The following EVL variants were observed in gnomAD, a reference collection of about 807,000 sequenced individuals.
EVL encodes the protein ena/VASP-like protein.
Under a neutral mutation model 59.6 loss-of-function variants are expected in EVL, and 21 were observed. The observed-to-expected ratio is 0.35, with a 90% CI of 0.25 to 0.51. The LOEUF (loss-of-function observed/expected upper bound fraction) is 0.51. Among genes scored for constraint, EVL ranks in the 20% least tolerant of loss-of-function variants. The pLI is 0.97. For missense variants in EVL, 462 were observed against 546.6 expected, an observed-to-expected ratio of 0.85 and a Z score of 1.54; for synonymous variants, 198 against 203.5, an observed-to-expected ratio of 0.97 and a Z score of 0.23.
chr14:100,101,329 T>C (rs1273582068), intron 3 of EVL, among the ~76,000 whole-genome samples: 1 of 152,084 alleles, frequency 6.6e-6, no homozygotes, highest in Non-Finnish European at 1.5e-5. Context: ...CTACTAAAAA[T>C]ATAAAATTAG....
intron 1 of EVL, among the ~76,000 whole-genome samples, chr14:100,034,264 A>G (rs2061356472): frequency 6.6e-6 from 1 of 151,780 alleles, no homozygotes; most frequent in Admixed American, 6.6e-5. Context: ...AAAGAAAAGA[A>G]AAATTATAAT....
chr14:100,123,833 CAG>C (rs1219714852), intron 4 of EVL, among the ~76,000 whole-genome samples: 2 of 152,216 alleles, frequency 1.3e-5, no homozygotes, highest in African/African-American at 4.8e-5. Flanking sequence ...TGGCATTCTA[CAG>C]AGAGTGCTGC....
At chr14:100,138,201 G>A (rs1397554223) in intron 11 of EVL, 3 of 280,960 alleles carry the variant, frequency 1.1e-5, no homozygotes, top group Non-Finnish European at 2.0e-5. Context: ...AGCAACAGCT[G>A]GACATGGGGT....
At chr14:100,100,377 C>CA (rs2140325119) in intron 3 of EVL, among the ~76,000 whole-genome samples, 1 of 152,276 alleles carries the variant, frequency 6.6e-6, no homozygotes, top group East Asian at 1.9e-4. Flanking sequence ...GCAGGTCCTG[C>CA]AGCCCACTGA....
At chr14:100,069,558 C>T (rs959803839) in intron 1 of EVL, among the ~76,000 whole-genome samples, 3 of 152,152 alleles carry the variant, frequency 2.0e-5, no homozygotes, top group African/African-American at 2.4e-5. Flanking sequence ...TCACGTAGTC[C>T]GTTCACTCTC....
At position 99,972,718 on chromosome 14, in the gene EVL, C is replaced by G. The variant is rs1038394463; in HGVS notation, c.5+661C>G. On this transcript the variant is annotated intron_variant, in intron 1 of 13. Coordinates refer to the EVL transcript ENST00000402714. The surrounding 1 kb of genome is among the most constrained non-coding windows in gnomAD (Gnocchi z 4.4). ...CAGGCCAAGAAATAAAACCTTGCTT[C>G]TGCCAGAAGCCCGGTGCCCTCTCCC... Among the ~76,000 whole-genome samples the G allele has an allele frequency of 6.6e-5, 10 of 152,134 alleles. No homozygotes were observed. The highest frequency in any genetic ancestry group is 2.4e-4 in the African/African-American group (10 of 41,444).
chr14:100,100,977 G>A (rs1198763045), intron 3 of EVL, among the ~76,000 whole-genome samples: 1 of 152,030 alleles, frequency 6.6e-6, no homozygotes, highest in African/African-American at 2.4e-5. Context: ...TTATGTGTAT[G>A]TATACTTTGT....
At chr14:99,984,139 C>A (rs868483151) in intron 1 of EVL, among the ~76,000 whole-genome samples, 1 of 152,164 alleles carries the variant, frequency 6.6e-6, no homozygotes, top group Non-Finnish European at 1.5e-5. Context: ...TGGCCACCCC[C>A]AAATCGTAGA....
At chr14:100,070,076 A>G (rs150582150) in intron 1 of EVL, among the ~76,000 whole-genome samples, 1,769 of 151,310 alleles carry the variant, frequency 0.012, 36 homozygotes, top group African/African-American at 0.04. Context: ...AAAAAAAAAA[A>G]AAAGAAAGAA....
In EVL at chr14:100,043,247, A is replaced by G. The variant is rs184349189; in HGVS notation, c.6-41440A>G. Among the ~76,000 whole-genome samples, 195 of 150,776 alleles carry G rather than the reference A, an allele frequency of 1.3e-3. No individual in the cohort carries two copies. In the Middle Eastern group the frequency reaches 0.017, roughly 13 times the overall value. ...TATATATATGTATGTGTGTGTGTGT[A>G]TATATATATGTGTGTGTGTATATAT... On this transcript the variant is annotated intron_variant, in intron 1 of 13. Coordinates refer to the EVL transcript ENST00000402714.
At chr14:100,031,754 G>A (rs575764499) in intron 1 of EVL, among the ~76,000 whole-genome samples, 2 of 152,324 alleles carry the variant, frequency 1.3e-5, no homozygotes, top group African/African-American at 4.8e-5. Context: ...TGCATTCTTT[G>A]TGACTACTCT....
At chr14:100,098,619 G>T (rs1383749604) in intron 3 of EVL, among the ~76,000 whole-genome samples, 1 of 152,236 alleles carries the variant, frequency 6.6e-6, no homozygotes, top group Non-Finnish European at 1.5e-5. Flanking sequence ...GACATTTGCA[G>T]TGGTAGCTTT....
chr14:99,998,115 G>T (rs1479411097), intron 1 of EVL, among the ~76,000 whole-genome samples: 3 of 152,030 alleles, frequency 2.0e-5, no homozygotes, highest in African/African-American at 7.3e-5. Context: ...CACCACCTGG[G>T]CTCAAATAAT....
In EVL at chr14:100,137,723, TC is replaced by T; in HGVS notation, c.1032-16del. 2 of 1,614,056 alleles carry T rather than the reference TC, an allele frequency of 1.2e-6. No individual in the cohort carries two copies. Among genetic ancestry groups the T allele is most frequent in the Non-Finnish European group, 1.7e-6 (2 of 1,180,002 alleles). On this transcript the variant is annotated splice_polypyrimidine_tract_variant and intron_variant, in intron 10 of 13. Transcript: ENST00000392920. ...GCTGGCGCCGATTCACATGTCTGTTTCATTCCATTGCCGTAGAACCCCGTCT... is the reference window on the plus strand; with the variant it reads ...GCTGGCGCCGATTCACATGTCTGTTTATTCCATTGCCGTAGAACCCCGTCT...
At chr14:100,079,353 CCA>C (rs1019987571) in intron 1 of EVL, among the ~76,000 whole-genome samples, 1 of 152,146 alleles carries the variant, frequency 6.6e-6, no homozygotes, top group African/African-American at 2.4e-5. Flanking sequence ...ACTGTTTTTC[CCA>C]CAGTCAGGGT....
intron 1 of EVL, among the ~76,000 whole-genome samples, chr14:99,984,580 CATCTT>C (rs1237453701): frequency 1.3e-5 from 2 of 152,128 alleles, no homozygotes; most frequent in Non-Finnish European, 1.5e-5. Flanking sequence ...TGTTAATTAA[CATCTT>C]ATATTAGTAT....
intron 9 of EVL, 107 bp downstream of exon 9, chr14:100,136,075 C>A: frequency 7.8e-7 from 1 of 1,284,608 alleles, no homozygotes; most frequent in Non-Finnish European, 1.1e-6. Context: ...TATGCCTGAG[C>A]AGAGGGCCAG....
At chr14:100,058,296 T>G (rs1204368062) in intron 1 of EVL, among the ~76,000 whole-genome samples, 2 of 152,244 alleles carry the variant, frequency 1.3e-5, no homozygotes, top group East Asian at 3.8e-4. Context: ...GAGCATTTAC[T>G]GTTTTCAAAA....
At chr14:100,072,039 A>G (rs982517263) in intron 1 of EVL, among the ~76,000 whole-genome samples, 6 of 152,102 alleles carry the variant, frequency 3.9e-5, no homozygotes, top group African/African-American at 7.2e-5. Context: ...CTCTTAACCA[A>G]CCTACAGTCT....
Sources: gnomAD v4.1 joint callset for allele counts (sites outside exome capture counted in the v4.1 genomes callset) on GRCh38, gnomAD v4.1.1 for gene constraint, Gnocchi (gnomAD v3.1) non-coding constraint, MANE v1.5 for transcripts, NCBI Gene and HGNC (gene_info 2026-07-23, HGNC 2026-07-21) for gene names.